P3H2: variants seen among roughly 807,000 people sequenced by gnomAD.
The protein encoded by P3H2 is leprecan-like 1.
A neutral mutation model predicts 87.0 loss-of-function variants in P3H2; 80 were observed. That is an observed-to-expected ratio of 0.92 (90% CI 0.77 to 1.11). P3H2 has a LOEUF of 1.11. Among genes scored for constraint, P3H2 ranks in the 50% least tolerant of loss-of-function variants. The probability of loss-of-function intolerance (pLI) is 0.00; values close to 1 mark genes in which losing one functional copy is unlikely to be tolerated. For synonymous variants in P3H2, 367 were observed against 359.3 expected (o/e 1.02, Z -0.24); for missense variants, 1,001 against 923.9 (o/e 1.08, Z -1.08).
intron 1 of P3H2, among the ~76,000 whole-genome samples, chr3:190,096,608 T>A (rs997160746): frequency 2.6e-5 from 4 of 152,200 alleles, no homozygotes; most frequent in African/African-American, 9.7e-5. Flanking sequence ...AAGAGAAGCA[T>A]GTAGCTTTCA....
intron 1 of P3H2, among the ~76,000 whole-genome samples, chr3:190,113,265 C>T (rs977733102): frequency 2.0e-5 from 3 of 152,088 alleles, no homozygotes; most frequent in Admixed American, 2.0e-4. Context: ...GTTGTAGAAT[C>T]TGTGAGGCCA....
chr3:189,965,315 A>G (rs1451406228), intron 13 of P3H2, among the ~76,000 whole-genome samples: 2 of 152,196 alleles, frequency 1.3e-5, no homozygotes, highest in Middle Eastern at 3.2e-3. Context: ...AGGTAGGTGG[A>G]GGAGTCGGAA....
At chr3:190,070,307 A>G (rs939729443) in intron 1 of P3H2, among the ~76,000 whole-genome samples, 4 of 152,176 alleles carry the variant, frequency 2.6e-5, no homozygotes, top group African/African-American at 9.7e-5. Context: ...GTAAGAGGAT[A>G]GGATTATCCT....
chr3:190,019,495 C>T (rs1228218357), intron 1 of P3H2, among the ~76,000 whole-genome samples: 1 of 152,020 alleles, frequency 6.6e-6, no homozygotes, highest in Non-Finnish European at 1.5e-5. Context: ...ATCCCTATAT[C>T]CACAGATGTC....
intron 1 of P3H2, among the ~76,000 whole-genome samples, chr3:190,046,276 C>T (rs1725801813): frequency 6.6e-6 from 1 of 152,160 alleles, no homozygotes; most frequent in Admixed American, 6.5e-5. Flanking sequence ...TGGTTGAATC[C>T]TGACTTACAC....
At chr3:190,054,218 A>G (rs1432079127) in intron 1 of P3H2, among the ~76,000 whole-genome samples, 1 of 152,178 alleles carries the variant, frequency 6.6e-6, no homozygotes, top group Non-Finnish European at 1.5e-5. Context: ...ATCATTAATC[A>G]GTTTAGGAAA....
At chr3:190,105,347 C>T (rs566911691) in intron 1 of P3H2, among the ~76,000 whole-genome samples, 1 of 152,300 alleles carries the variant, frequency 6.6e-6, no homozygotes, top group South Asian at 2.1e-4. Context: ...GAACAATCGC[C>T]TCAAATGATA....
At chr3:189,981,317 C>T (rs1158484810) in intron 8 of P3H2, among the ~76,000 whole-genome samples, 1 of 152,118 alleles carries the variant, frequency 6.6e-6, no homozygotes, top group African/African-American at 2.4e-5. Flanking sequence ...AAGCCCTTAA[C>T]CTGTGGGATC....
At chr3:190,106,852 A>T (rs1422397060) in intron 1 of P3H2, among the ~76,000 whole-genome samples, 1 of 152,216 alleles carries the variant, frequency 6.6e-6, no homozygotes, top group Non-Finnish European at 1.5e-5. Context: ...AAAATGAAGA[A>T]TATACTAGAG....
intron 1 of P3H2, among the ~76,000 whole-genome samples, chr3:190,119,150 GGGAGGGGAGGGGAGGGGAGGGGAGA>G (rs1712419666): frequency 3.3e-4 from 12 of 35,892 alleles, no homozygotes; most frequent in Non-Finnish European, 4.8e-4. Context: ...GGGAGGGGAG[GGGAGGGGAGGGGAGGGGAGGGGAGA>G]GGAGAGGAGA....
chr3:190,046,006 C>A (rs898072505), intron 1 of P3H2, among the ~76,000 whole-genome samples: 78 of 152,152 alleles, frequency 5.1e-4, no homozygotes, highest in African/African-American at 1.9e-3. Context: ...GCCTGTGGTC[C>A]CAGCTACTCA....
chr3:190,058,473 A>G (rs1726231660), intron 1 of P3H2, among the ~76,000 whole-genome samples: 1 of 152,200 alleles, frequency 6.6e-6, no homozygotes, highest in Non-Finnish European at 1.5e-5. Context: ...ATATGGGTCA[A>G]AGTTGTAAAA....
intron 14 of P3H2, among the ~76,000 whole-genome samples, chr3:189,961,365 T>C (rs1217453999): frequency 6.6e-6 from 1 of 152,216 alleles, no homozygotes; most frequent in Non-Finnish European, 1.5e-5. Flanking sequence ...CTGGAACCAA[T>C]ATATATGAAG....
chr3:190,120,292 C>T lies in P3H2; in HGVS notation c.440G>A (p.Arg147His), dbSNP rs1380240903. 1.2e-6 allele frequency: 2 copies of T among 1,609,666 alleles called. No individual in the cohort carries two copies. The highest frequency in any genetic ancestry group is 2.7e-5 in the African/African-American group (2 of 75,028). Residue 147 changes from arginine to histidine, a missense_variant, in exon 1 of 15, where the codon CGC becomes CAC. By Grantham distance (29) the Arg-to-His change is conservative. Coordinates refer to ENST00000319332, the MANE Select transcript of P3H2 (RefSeq NM_018192.4). The part of the protein sequence containing the change: ...VSEDVRSDFQ[R>H]RVPYNYLQRA... ...CTGCAGGTAGTTGTAGGGCACTCTGCGCTGGAAGTCGCTGCGCACATCCTC... is the reference window on the plus strand; with the variant it reads ...CTGCAGGTAGTTGTAGGGCACTCTGTGCTGGAAGTCGCTGCGCACATCCTC...
At chr3:190,078,838 A>C (rs922293267) in intron 1 of P3H2, among the ~76,000 whole-genome samples, 2 of 152,176 alleles carry the variant, frequency 1.3e-5, no homozygotes, top group African/African-American at 4.8e-5. Context: ...GTAGCAAAGA[A>C]ATCCGTGTGG....
intron 1 of P3H2, among the ~76,000 whole-genome samples, chr3:190,029,084 C>G (rs1360075425): frequency 6.6e-6 from 1 of 152,168 alleles, no homozygotes; most frequent in Admixed American, 6.5e-5. Flanking sequence ...TTCTAGTGTT[C>G]CGGCCTGAGG....
rs1035434820 is a variant in P3H2, at chr3:190,120,167, A to G, written c.480+85T>C. The G allele has an allele frequency of 4.7e-6, 7 of 1,486,128 alleles. No homozygotes were observed. In the East Asian group the frequency reaches 1.4e-4, roughly 30 times the overall value. The allele number at this position is 1,486,128 out of a possible 1,614,324, so 92.1% of individuals were successfully genotyped here. A position where few individuals can be genotyped will look rare whatever the true frequency, so the allele number is the denominator to read the frequency against. ...GGAGACCCAATTCGAAAGACTGAACAGAGATGACGGGGGCAGCAGGGAGGG... is the reference window on the plus strand; with the variant it reads ...GGAGACCCAATTCGAAAGACTGAACGGAGATGACGGGGGCAGCAGGGAGGG... On this transcript the variant is annotated intron_variant, in intron 1 of 14. Coordinates refer to ENST00000319332, the MANE Select transcript of P3H2 (RefSeq NM_018192.4).
intron 1 of P3H2, among the ~76,000 whole-genome samples, chr3:190,110,675 C>T (rs1352548748): frequency 1.3e-5 from 2 of 152,100 alleles, no homozygotes; most frequent in Non-Finnish European, 2.9e-5. Flanking sequence ...TAAAAAACAG[C>T]CAAATCTGGT....
At chr3:189,971,404 C>G (rs1723174879) in intron 12 of P3H2, 1 of 234,742 alleles carries the variant, frequency 4.3e-6, no homozygotes, top group Non-Finnish European at 8.4e-6. Context: ...GACTATAACT[C>G]CTGATTCCTT....
Sources: gnomAD v4.1 joint callset for allele counts (sites outside exome capture counted in the v4.1 genomes callset) on GRCh38, gnomAD v4.1.1 for gene constraint, MANE v1.5 for transcripts, NCBI Gene and HGNC (gene_info 2026-07-23, HGNC 2026-07-21) for gene names.